Variants in PLCB1 observed in about 807,000 individuals in gnomAD.
PLCB1 encodes 1-phosphatidylinositol 4,5-bisphosphate phosphodiesterase beta-1.
PLCB1 carries 46 observed loss-of-function variants against 161.8 expected under a neutral mutation model. That is an observed-to-expected ratio of 0.28 (90% CI 0.22 to 0.36). PLCB1 has a LOEUF of 0.36. Ranked by LOEUF, PLCB1 falls within the 10% of genes least tolerant of loss-of-function variation. PLCB1 has a pLI of 1.00. For missense variants in PLCB1, 1,016 were observed against 1,472.5 expected (o/e 0.69, Z 5.07); for synonymous variants, 517 against 503.7 (o/e 1.03, Z -0.35).
At chr20:8,584,483 GAC>G (rs61008784) in intron 3 of PLCB1, among the ~76,000 whole-genome samples, 123 of 147,556 alleles carry the variant, frequency 8.3e-4, no homozygotes, top group Non-Finnish European at 1.0e-3. Context: ...CACACACACA[GAC>G]ACACACACAC....
intron 4 of PLCB1, among the ~76,000 whole-genome samples, chr20:8,633,259 T>C (rs1307198382): frequency 6.6e-6 from 1 of 152,114 alleles, no homozygotes; most frequent in Non-Finnish European, 1.5e-5. Context: ...GAGGAAAAGA[T>C]AGAAATATCA....
chr20:8,696,627 A>T (rs6133607), intron 10 of PLCB1, among the ~76,000 whole-genome samples: 15,176 of 152,242 alleles, frequency 0.1, 1,092 homozygotes, highest in East Asian at 0.32. Context: ...CTCCATGAAC[A>T]TGAGATGTAT....
chr20:8,150,752 C>G (rs1338237636), intron 2 of PLCB1, among the ~76,000 whole-genome samples: 3 of 152,212 alleles, frequency 2.0e-5, no homozygotes, highest in Admixed American at 1.3e-4. Flanking sequence ...AGCCTTACCC[C>G]TTGGCTTTTC....
At chr20:8,161,778 T>C (rs1270737194) in intron 2 of PLCB1, among the ~76,000 whole-genome samples, 1 of 151,368 alleles carries the variant, frequency 6.6e-6, no homozygotes, top group Non-Finnish European at 1.5e-5. Flanking sequence ...GGTCAGAACA[T>C]TGGACTTTTT....
intron 2 of PLCB1, among the ~76,000 whole-genome samples, chr20:8,303,132 C>T (rs968705709): frequency 7.2e-5 from 11 of 152,204 alleles, no homozygotes; most frequent in Middle Eastern, 3.4e-3. Flanking sequence ...TGTATGTCCC[C>T]GAAATAGAAG....
chr20:8,388,641 TTTTTTTGGTTTG>T (rs1217497161), intron 3 of PLCB1, among the ~76,000 whole-genome samples: 2 of 152,190 alleles, frequency 1.3e-5, no homozygotes, highest in East Asian at 1.9e-4. Flanking sequence ...GCTTCAGTAG[TTTTTTTGGTTTG>T]TTTTTTGGTT....
At chr20:8,797,523 T>A (rs1984088027) in intron 31 of PLCB1, among the ~76,000 whole-genome samples, 1 of 152,246 alleles carries the variant, frequency 6.6e-6, no homozygotes, top group South Asian at 2.1e-4. Flanking sequence ...TGTGGGCAAT[T>A]TTTTTTCCTA....
At chr20:8,440,308 C>T (rs1384742114) in intron 3 of PLCB1, among the ~76,000 whole-genome samples, 1 of 152,074 alleles carries the variant, frequency 6.6e-6, no homozygotes, top group Non-Finnish European at 1.5e-5. Context: ...ACTCCCATAG[C>T]TAGTATTGAT....
chr20:8,580,306 TAGAG>T lies in PLCB1; in HGVS notation c.247-47984_247-47981del, dbSNP rs1196114215. ...TAAGGCAATAATATATTACTGTTCT[TAGAG>T]AGAAAAGTTAAGGGAGTTGCACTGT... On this transcript the variant is annotated intron_variant, in intron 3 of 31. Transcript: ENST00000338037. Among the ~76,000 whole-genome samples the T allele has an allele frequency of 3.3e-5, 5 of 152,308 alleles. 1 individual carries two copies. The highest frequency in any genetic ancestry group is 2.0e-4 in the Admixed American group (3 of 15,296).
At chr20:8,868,923 T>C (rs1467235645) in intron 31 of PLCB1, among the ~76,000 whole-genome samples, 1 of 152,082 alleles carries the variant, frequency 6.6e-6, no homozygotes, top group Admixed American at 6.5e-5. Flanking sequence ...CGTGAGCCAC[T>C]GCACCTGGCC....
chr20:8,753,406 T>C (rs551843752), intron 23 of PLCB1, among the ~76,000 whole-genome samples: 5 of 152,150 alleles, frequency 3.3e-5, no homozygotes, highest in Non-Finnish European at 5.9e-5. Flanking sequence ...TTAACTTGTA[T>C]ATAACATCTG....
chr20:8,803,081 GA>G (rs1984359970), intron 31 of PLCB1, among the ~76,000 whole-genome samples: 1 of 152,142 alleles, frequency 6.6e-6, no homozygotes, highest in South Asian at 2.1e-4. Context: ...AAGAATTACT[GA>G]AAATAACTCT....
chr20:8,383,458 G>A (rs968132274), intron 3 of PLCB1, among the ~76,000 whole-genome samples: 5 of 151,942 alleles, frequency 3.3e-5, no homozygotes, highest in East Asian at 1.9e-4. Context: ...TCCTGAATAC[G>A]GCATACCGAT....
chr20:8,554,082 G>GA (rs58969181), intron 3 of PLCB1, among the ~76,000 whole-genome samples: 7,680 of 139,778 alleles, frequency 0.055, 344 homozygotes, highest in African/African-American at 0.13. Flanking sequence ...TAAAATTAAG[G>GA]AAAAAAAAAA....
intron 2 of PLCB1, among the ~76,000 whole-genome samples, chr20:8,166,398 T>TGACTTTCTTTTTCTC (rs568532191): frequency 0.016 from 2,401 of 152,270 alleles, 33 homozygotes; most frequent in Non-Finnish European, 0.024. Context: ...TTTCTTTTCT[T>TGACTTTCTTTTTCTC]GACTTTCTTT....
chr20:8,306,613 A>G (rs1458154895), intron 2 of PLCB1, among the ~76,000 whole-genome samples: 1 of 152,254 alleles, frequency 6.6e-6, no homozygotes, highest in Non-Finnish European at 1.5e-5. Context: ...TAATGCGAAT[A>G]GCCTAGTGCA....
At chr20:8,811,226 G>A (rs2051606548) in intron 31 of PLCB1, among the ~76,000 whole-genome samples, 1 of 152,130 alleles carries the variant, frequency 6.6e-6, no homozygotes, top group African/African-American at 2.4e-5. Flanking sequence ...GGTGGGGAAG[G>A]GAACCAGGTA....
chr20:8,268,074 A>G (rs6055706), intron 2 of PLCB1, among the ~76,000 whole-genome samples: 3,704 of 151,922 alleles, frequency 0.024, 141 homozygotes, highest in African/African-American at 0.084. Flanking sequence ...CCATTAACTC[A>G]TCATTTACAT....
intron 2 of PLCB1, among the ~76,000 whole-genome samples, chr20:8,267,612 T>G (rs1043397546): frequency 1.3e-5 from 2 of 152,178 alleles, no homozygotes; most frequent in African/African-American, 4.8e-5. Flanking sequence ...GAAATACATG[T>G]TACAATGTTA....
Sources: allele counts gnomAD v4.1 joint callset (sites outside exome capture counted in the v4.1 genomes callset), GRCh38; gene constraint gnomAD v4.1.1; transcripts MANE v1.5; gene names NCBI Gene and HGNC (gene_info 2026-07-23, HGNC 2026-07-21).